The following SPATC1L variants were observed in gnomAD, a reference collection of about 807,000 sequenced individuals.
The protein encoded by SPATC1L is speriolin-like protein.
In SPATC1L, 20 loss-of-function variants were observed where a neutral mutation model predicts 21.2. That is an observed-to-expected ratio of 0.94 (90% CI 0.66 to 1.37). The LOEUF (loss-of-function observed/expected upper bound fraction) is 1.37, where lower values mean the gene tolerates loss of function less well. Among genes scored for constraint, SPATC1L ranks in the 40% most tolerant of loss-of-function variants. SPATC1L has a pLI of 0.00. For missense variants in SPATC1L, 499 were observed against 478.7 expected, an observed-to-expected ratio of 1.04 and a Z score of -0.40; for synonymous variants, 290 against 234.5, an observed-to-expected ratio of 1.24 and a Z score of -2.16.
chr21:46,172,922 C>G (rs941394815), intron 2 of SPATC1L, among the ~76,000 whole-genome samples: 6 of 152,206 alleles, frequency 3.9e-5, no homozygotes, highest in South Asian at 2.1e-4. Flanking sequence ...GGGAGTTAAA[C>G]GGGCAAGGAG....
chr21:46,161,710 G>C lies in SPATC1L; in HGVS notation c.697-5C>G, dbSNP rs200694418. On this transcript the variant is annotated splice_polypyrimidine_tract_variant and splice_region_variant and intron_variant, in intron 4 of 4. Coordinates refer to ENST00000291672, the MANE Select transcript of SPATC1L (RefSeq NM_001142854.2). ...GTCCAGAGACTTGGTGGAGGTCTGC[G>C]GGCGCAGCGCATGGATGGGGGTGGG... 1.3e-6 allele frequency: 2 copies of C among 1,582,414 alleles called. No homozygotes were observed. Among genetic ancestry groups the C allele is most frequent in the African/African-American group, 1.3e-5 (1 of 74,472 alleles).
chr21:46,176,001 A>C (rs1016631131), intron 2 of SPATC1L, among the ~76,000 whole-genome samples: 3 of 151,798 alleles, frequency 2.0e-5, no homozygotes, highest in East Asian at 3.9e-4. Context: ...GGTAGGTTCA[A>C]CATAAATCAA....
intron 2 of SPATC1L, among the ~76,000 whole-genome samples, chr21:46,170,145 T>A (rs1482791438): frequency 1.8e-5 from 2 of 109,504 alleles, no homozygotes; most frequent in Non-Finnish European, 3.7e-5. Flanking sequence ...TCTGTGAGCA[T>A]CCTCTGTGGA....
rs761333673 is a variant in SPATC1L at position 46,182,634 on chromosome 21, G to A, written c.183C>T (p.Pro61=). 32 of 1,512,094 alleles carry A rather than the reference G, an allele frequency of 2.1e-5. No individual in the cohort carries two copies. The highest frequency in any genetic ancestry group is 1.0e-4 in the Admixed American group (5 of 48,190). 93.7% of individuals were successfully genotyped at this position (1,512,094 alleles called of 1,614,324 possible). ...RAHAYPEAGS[P]GSGVPDFGRF... ...TGGGCGGCGCCTCACCTCCGCTCCCGGGGGAGCCGGCCTCAGGGTAGGCAT... is the reference window on the plus strand; with the variant it reads ...TGGGCGGCGCCTCACCTCCGCTCCCAGGGGAGCCGGCCTCAGGGTAGGCAT... Residue 61 remains proline (P), a synonymous_variant, in exon 2 of 5, where the codon CCC becomes CCT. Transcript: ENST00000291672.
In SPATC1L at chr21:46,161,287, C is replaced by T. The variant is rs2079483718; in HGVS notation, c.*92G>A. The T allele has an allele frequency of 2.9e-5, 37 of 1,282,026 alleles. No homozygotes were observed. The East Asian group carries it at 6.9e-4, about 24-fold the overall frequency. The allele number at this position is 1,282,026 out of a possible 1,614,324, so 79.4% of individuals were successfully genotyped here. A position where few individuals can be genotyped will look rare whatever the true frequency, so the allele number is the denominator to read the frequency against. ...GGCCTCGCGCGCGGGGGACGCGGCC[C>T]TTTCCCCTCCGGGGGGACGCGCAGG... On this transcript the variant is annotated 3_prime_UTR_variant, in exon 5 of 5. Coordinates refer to ENST00000291672, the MANE Select transcript of SPATC1L (RefSeq NM_001142854.2).
intron 2 of SPATC1L, among the ~76,000 whole-genome samples, chr21:46,181,145 G>A (rs1030708341): frequency 2.0e-5 from 3 of 152,214 alleles, no homozygotes; most frequent in South Asian, 2.1e-4. Context: ...GTCCACACAC[G>A]CCAAACAGAT....
intron 2 of SPATC1L, among the ~76,000 whole-genome samples, chr21:46,174,051 G>A (rs994570244): frequency 1.3e-5 from 2 of 152,200 alleles, no homozygotes; most frequent in Admixed American, 6.5e-5. Flanking sequence ...AAACAGACCA[G>A]GCATGGTGGC....
Position 46,161,946 on chromosome 21 carries a change from C to T in SPATC1L, c.666G>A (p.Thr222=), listed in dbSNP as rs771987900. 3 of 1,607,966 alleles carry T rather than the reference C, an allele frequency of 1.9e-6. No individual in the cohort carries two copies. The highest frequency in any genetic ancestry group is 2.5e-6 in the Non-Finnish European group (3 of 1,179,374). The change falls in exon 4 of 5, where the codon ACG becomes ACA. Residue 222 remains threonine (T), a synonymous_variant. Transcript: ENST00000291672. ...FPGVTRLYGF[T]VANIPEKIEQ... ...CGATCTTCTCGGGGATGTTGGCCAC[C>T]GTGAAGCCGTAGAGCCGCGTCACGC... is the stretch of plus-strand genomic sequence containing the variant.
intron 3 of SPATC1L, among the ~76,000 whole-genome samples, chr21:46,163,357 C>T (rs2079516820): frequency 6.6e-6 from 1 of 152,178 alleles, no homozygotes; most frequent in Non-Finnish European, 1.5e-5. Context: ...TTGATGAAGT[C>T]CAATTTGTCT....
intron 3 of SPATC1L, among the ~76,000 whole-genome samples, chr21:46,163,041 G>A (rs867283019): frequency 7.2e-5 from 11 of 152,302 alleles, no homozygotes; most frequent in African/African-American, 2.2e-4. Context: ...CCTGGAGGAC[G>A]GGAAACAGTA....
intron 2 of SPATC1L, among the ~76,000 whole-genome samples, chr21:46,179,089 AAATT>A (rs1420772883): frequency 4.6e-4 from 57 of 123,140 alleles, no homozygotes; most frequent in Non-Finnish European, 3.1e-4. Flanking sequence ...AAAAAAAAAA[AAATT>A]TTTAACTAGC....
intron 2 of SPATC1L, among the ~76,000 whole-genome samples, chr21:46,181,296 ACGCAGAACCTGGGGCCT>A (rs1449805448): frequency 1.3e-5 from 2 of 152,114 alleles, no homozygotes; most frequent in Admixed American, 1.3e-4. Context: ...GCTGATGGAG[ACGCAGAACCTGGGGCCT>A]CGCACAGCAT....
At chr21:46,167,502 C>A (rs1005773088) in intron 3 of SPATC1L, among the ~76,000 whole-genome samples, 1 of 152,102 alleles carries the variant, frequency 6.6e-6, no homozygotes, top group Non-Finnish European at 1.5e-5. Flanking sequence ...AACAAAAAAT[C>A]GGTTATTTGA....
At chr21:46,170,933 C>T (rs2079584261) in intron 2 of SPATC1L, among the ~76,000 whole-genome samples, 1 of 149,978 alleles carries the variant, frequency 6.7e-6, no homozygotes, top group Non-Finnish European at 1.5e-5. Flanking sequence ...TGTGAACATC[C>T]TCTGTGGATG....
chr21:46,168,299 C>A lies in SPATC1L; in HGVS notation c.544+9G>T. On this transcript the variant is annotated intron_variant, in intron 3 of 4. Coordinates refer to ENST00000291672, the MANE Select transcript of SPATC1L (RefSeq NM_001142854.2). ...GGGCCCCCCCAGGTGCCCCCGCACC[C>A]GGCCATACCATTGAGGTAGTAGCTC... 1 of 1,555,966 alleles carries A rather than the reference C, an allele frequency of 6.4e-7. No homozygotes were observed. The highest frequency in any genetic ancestry group is 2.3e-5 in the East Asian group (1 of 43,708).
At chr21:46,162,109 G>T in intron 3 of SPATC1L, 42 bp from the exon 4 acceptor site, 2 of 1,521,408 alleles carry the variant, frequency 1.3e-6, no homozygotes, top group Non-Finnish European at 1.8e-6. Flanking sequence ...GGGAGCGCGA[G>T]GATCCACTGC....
At position 46,168,557 on chromosome 21, in the gene SPATC1L, C is replaced by A; in HGVS notation, c.295G>T (p.Glu99Ter). The A allele has an allele frequency of 6.7e-7, 1 of 1,496,492 alleles. No homozygotes were observed. The highest frequency in any genetic ancestry group is 1.3e-5 in the South Asian group (1 of 79,016). 92.7% of individuals were successfully genotyped at this position (1,496,492 alleles called of 1,614,324 possible). The change falls in exon 3 of 5, where the codon GAG becomes TAG. Residue 99 changes from glutamate to a stop codon, truncating the protein, a stop_gained. Transcript: ENST00000291672. LOFTEE classifies it high-confidence loss of function. ...GCACAGCCCGGGGAGGTGTCGTCCT[C>A]GCTGGACAGGGGGGCATGTGAGCAC... Reference protein sequence around the residue: ...LLCSHAPLSSEDDTSPGCAAP... With the variant: ...LLCSHAPLSS
At chr21:46,162,134 T>C in intron 3 of SPATC1L, 67 bp from the exon 4 acceptor site, 2 of 1,467,438 alleles carry the variant, frequency 1.4e-6, no homozygotes, top group South Asian at 1.3e-5. Flanking sequence ...GAGGGTGCCC[T>C]CGGCCACGTG....
intron 2 of SPATC1L, among the ~76,000 whole-genome samples, chr21:46,170,809 A>G (rs79841319): frequency 0.027 from 982 of 35,960 alleles, 26 homozygotes; most frequent in Middle Eastern, 0.059. Flanking sequence ...TGCTCTCTGA[A>G]CATCCTCTGT....
Sources: allele counts gnomAD v4.1 joint callset (sites outside exome capture counted in the v4.1 genomes callset), GRCh38; gene constraint gnomAD v4.1.1; transcripts MANE v1.5; gene names NCBI Gene and HGNC (gene_info 2026-07-23, HGNC 2026-07-21).